DENND4A: variants seen among roughly 807,000 people sequenced by gnomAD.
The protein encoded by DENND4A is C-myc promoter-binding protein.
In DENND4A, 70 loss-of-function variants were observed where a neutral mutation model predicts 199.3. The observed-to-expected ratio is 0.35, with a 90% confidence interval of 0.29 to 0.43. DENND4A has a LOEUF of 0.43. Among genes scored for constraint, DENND4A ranks in the 20% least tolerant of loss-of-function variants. The pLI, the probability that DENND4A is intolerant of heterozygous loss-of-function variation, is 1.00. For synonymous variants in DENND4A, 686 were observed against 766.9 expected (o/e 0.89, Z 1.74); for missense variants, 1,723 against 2,255.8 (o/e 0.76, Z 4.78).
chr15:65,761,368 G>A lies in DENND4A; in HGVS notation c.-31C>T, dbSNP rs895252645. The A allele has an allele frequency of 1.3e-5, 2 of 152,158 alleles. No individual in the cohort carries two copies. The highest frequency in any genetic ancestry group is 6.5e-5 in the Admixed American group (1 of 15,276). The allele number at this position is 152,158 out of a possible 1,614,324, so 9.4% of individuals were successfully genotyped here. On this transcript the variant is annotated 5_prime_UTR_variant, in exon 2 of 33. Transcript: ENST00000443035. ...AGCCAAAAACTACTTACACATTACC[G>A]AAAGTTTCTCTCTGAAAAAGATGAC...
chr15:65,729,955 C>T (rs944503468), intron 9 of DENND4A, among the ~76,000 whole-genome samples: 3 of 152,134 alleles, frequency 2.0e-5, no homozygotes, highest in Admixed American at 2.0e-4. Flanking sequence ...AAGTCATCTG[C>T]TTCATTTCAT....
At chr15:65,722,656 A>G (rs1407417857) in intron 12 of DENND4A, among the ~76,000 whole-genome samples, 192 bp downstream of exon 12, 1 of 82,628 alleles carries the variant, frequency 1.2e-5, no homozygotes, top group Admixed American at 1.2e-4. Flanking sequence ...CTCCGTCTCG[A>G]AAAAAAAAAA....
intron 4 of DENND4A, among the ~76,000 whole-genome samples, chr15:65,749,870 G>A (rs545843397): frequency 6.6e-6 from 1 of 152,138 alleles, no homozygotes; most frequent in African/African-American, 2.4e-5. Flanking sequence ...CTTTCAAAAT[G>A]GTCAGCATAC....
chr15:65,717,651 G>T, intron 13 of DENND4A, 127 bp downstream of exon 13: 2 of 847,596 alleles, frequency 2.4e-6, no homozygotes, highest in Non-Finnish European at 3.6e-6. Context: ...AACAAAGCTA[G>T]TATTCAGATT....
intron 23 of DENND4A, among the ~76,000 whole-genome samples, chr15:65,689,647 C>T (rs1008632410): frequency 2.0e-5 from 3 of 152,182 alleles, no homozygotes; most frequent in African/African-American, 7.2e-5. Flanking sequence ...ATTATGATTC[C>T]AGTACCATGA....
chr15:65,672,807 G>A (rs1052824434), intron 24 of DENND4A, among the ~76,000 whole-genome samples: 4 of 151,880 alleles, frequency 2.6e-5, no homozygotes, highest in African/African-American at 4.8e-5. Flanking sequence ...GGTGATCTAT[G>A]TTATACCTTC....
At chr15:65,674,459 G>A (rs981042449) in intron 24 of DENND4A, among the ~76,000 whole-genome samples, 2 of 152,160 alleles carry the variant, frequency 1.3e-5, no homozygotes, top group Admixed American at 6.5e-5. Context: ...ATTTGTGAAC[G>A]TATTGACATT....
At chr15:65,757,329 C>T (rs2076732839) in intron 2 of DENND4A, among the ~76,000 whole-genome samples, 1 of 151,566 alleles carries the variant, frequency 6.6e-6, no homozygotes, top group African/African-American at 2.4e-5. Context: ...GTGATCCTCC[C>T]ATCTCAGTCT....
chr15:65,776,503 A>T (rs1174300692), intron 1 of DENND4A, among the ~76,000 whole-genome samples: 1 of 152,124 alleles, frequency 6.6e-6, no homozygotes, highest in Non-Finnish European at 1.5e-5. Flanking sequence ...AAAAATCATA[A>T]TTTTTTTAAT....
intron 32 of DENND4A, among the ~76,000 whole-genome samples, chr15:65,663,429 G>A (rs968315504): frequency 3.3e-5 from 5 of 151,694 alleles, no homozygotes; most frequent in Non-Finnish European, 5.9e-5. Context: ...GGCTTGCCTC[G>A]AACTCCTGAC....
intron 1 of DENND4A, chr15:65,771,857 C>T (rs2077138387): frequency 1.2e-6 from 2 of 1,612,248 alleles, no homozygotes; most frequent in East Asian, 2.2e-5. Flanking sequence ...TAAGCATTCC[C>T]AACCTTTTTA....
intron 23 of DENND4A, among the ~76,000 whole-genome samples, chr15:65,686,227 T>C (rs1307164930): frequency 6.6e-6 from 1 of 152,242 alleles, no homozygotes; most frequent in Non-Finnish European, 1.5e-5. Context: ...CTCTTTACAA[T>C]GTACTTTGAT....
At chr15:65,729,268 G>A in intron 10 of DENND4A, 21 bp from the exon 11 acceptor site, 1 of 1,557,760 alleles carries the variant, frequency 6.4e-7, no homozygotes, top group Non-Finnish European at 8.7e-7. Context: ...CAAAAGATAG[G>A]AGAGAATTTA....
At chr15:65,687,158 C>T (rs895932819) in intron 23 of DENND4A, among the ~76,000 whole-genome samples, 5 of 152,132 alleles carry the variant, frequency 3.3e-5, no homozygotes, top group African/African-American at 9.7e-5. Flanking sequence ...TTTTTGGCTA[C>T]ATCTCACTGT....
intron 1 of DENND4A, among the ~76,000 whole-genome samples, chr15:65,784,317 G>A (rs945899496): frequency 2.6e-5 from 4 of 152,082 alleles, no homozygotes; most frequent in Non-Finnish European, 5.9e-5. Flanking sequence ...AACCAAAAAA[G>A]AACCTTAGGT....
chr15:65,723,676 C>T (rs965343151), intron 11 of DENND4A, among the ~76,000 whole-genome samples: 29 of 152,018 alleles, frequency 1.9e-4, no homozygotes, highest in African/African-American at 6.5e-4. Context: ...AGCATATATA[C>T]CTATGATAAA....
chr15:65,729,160 T>C lies in DENND4A; in HGVS notation c.1399A>G (p.Ile467Val). The change falls in exon 11 of 33, where the codon ATA (isoleucine) becomes GTA (valine). Residue 467 changes from isoleucine to valine, a missense_variant. This residue lies in a region of DENND4A where 725 missense variants were observed against 952.9 expected (regional missense o/e 0.76). Coordinates refer to ENST00000443035, the MANE Select transcript of DENND4A (RefSeq NM_001320835.1). ...ADVLSAPCPFIVGIDSRYFDL... is the reference protein window; with the variant it reads ...ADVLSAPCPFVVGIDSRYFDL... ...AAGTATCTTGAATCAATCCCTACTA[T>C]GAATGGACATGGTGCACTCAAGACA... 2 of 1,590,298 alleles carry C rather than the reference T, an allele frequency of 1.3e-6. No individual in the cohort carries two copies. The highest frequency in any genetic ancestry group is 1.1e-5 in the South Asian group (1 of 87,082).
At chr15:65,770,699 T>C (rs1596662479) in intron 1 of DENND4A, among the ~76,000 whole-genome samples, 1 of 152,204 alleles carries the variant, frequency 6.6e-6, no homozygotes, top group South Asian at 2.1e-4. Context: ...GTCCACATAT[T>C]TGACACCTTG....
intron 22 of DENND4A, among the ~76,000 whole-genome samples, chr15:65,692,626 A>T (rs749789097): frequency 4.6e-5 from 7 of 152,204 alleles, no homozygotes; most frequent in Non-Finnish European, 8.8e-5. Context: ...ATAAGGATAT[A>T]CCGTTAACAA....
Sources: gnomAD v4.1 joint callset for allele counts (sites outside exome capture counted in the v4.1 genomes callset) on GRCh38, gnomAD v4.1.1 for gene constraint, gnomAD v4.1.1 regional missense constraint, MANE v1.5 for transcripts, NCBI Gene and HGNC (gene_info 2026-07-23, HGNC 2026-07-21) for gene names.